SUSD5: variants seen among roughly 807,000 people sequenced by gnomAD.
SUSD5 encodes the protein sushi domain-containing protein 5.
SUSD5 carries 33 observed loss-of-function variants against 29.5 expected under a neutral mutation model. The ratio of observed to expected loss-of-function variants is 1.12; its 90% CI spans 0.85 to 1.49. The LOEUF (loss-of-function observed/expected upper bound fraction) is 1.49, where lower values mean the gene tolerates loss of function less well. SUSD5 is among the 40% of genes most tolerant of loss of function. The probability of loss-of-function intolerance (pLI) is 0.00; values close to 1 mark genes in which losing one functional copy is unlikely to be tolerated. For synonymous variants in SUSD5, 308 were observed against 325.3 expected (o/e 0.95, Z 0.57); for missense variants, 776 against 800.6 (o/e 0.97, Z 0.37).
intron 4 of SUSD5, among the ~76,000 whole-genome samples, chr3:33,173,788 C>G (rs536433933): frequency 6.6e-6 from 1 of 152,164 alleles, no homozygotes; most frequent in African/African-American, 2.4e-5. Context: ...GTGAGAGGAG[C>G]ACTGTGAGAT....
At chr3:33,155,902 T>C (rs575065334) in intron 4 of SUSD5, among the ~76,000 whole-genome samples, 2 of 152,316 alleles carry the variant, frequency 1.3e-5, no homozygotes, top group South Asian at 4.1e-4. Context: ...CTGGGTATGG[T>C]ACAAACAGGA....
At chr3:33,173,909 G>A (rs746024640) in intron 4 of SUSD5, among the ~76,000 whole-genome samples, 3 of 152,186 alleles carry the variant, frequency 2.0e-5, no homozygotes, top group Non-Finnish European at 4.4e-5. Flanking sequence ...TGTTGGGGTG[G>A]GGAGGCCAGG....
chr3:33,203,117 G>A (rs1268121878), intron 3 of SUSD5, among the ~76,000 whole-genome samples: 3 of 152,172 alleles, frequency 2.0e-5, no homozygotes, highest in Admixed American at 1.3e-4. Flanking sequence ...CTGCCAAGGC[G>A]CTGCACCTTC....
intron 2 of SUSD5, among the ~76,000 whole-genome samples, chr3:33,209,759 T>A (rs1469451266): frequency 2.0e-5 from 3 of 152,066 alleles, no homozygotes; most frequent in Non-Finnish European, 4.4e-5. Context: ...GTGATCCTCC[T>A]GCCTCAGCCT....
intron 3 of SUSD5, 93 bp from the exon 4 acceptor site, chr3:33,175,167 C>G (rs777727525): frequency 7.4e-7 from 1 of 1,343,344 alleles, no homozygotes; most frequent in Admixed American, 2.0e-5. Flanking sequence ...TCTCCCCTGC[C>G]GCCCACCGTA....
chr3:33,202,024 T>TTATCTATCTATCTATC (rs60454731), intron 3 of SUSD5, among the ~76,000 whole-genome samples: 265 of 146,638 alleles, frequency 1.8e-3, no homozygotes, highest in South Asian at 2.4e-3. Flanking sequence ...AGGGGAGAAG[T>TTATCTATCTATCTATC]TATCTATCTA....
intron 3 of SUSD5, among the ~76,000 whole-genome samples, chr3:33,188,579 C>T (rs1041734288): frequency 7.9e-5 from 12 of 152,128 alleles, no homozygotes; most frequent in African/African-American, 2.9e-4. Flanking sequence ...CTTGAAAGTT[C>T]CTAGGTAATG....
chr3:33,218,276 A>T (rs2032460065), intron 1 of SUSD5, among the ~76,000 whole-genome samples: 1 of 152,100 alleles, frequency 6.6e-6, no homozygotes, highest in South Asian at 2.1e-4. Context: ...TATCCGAGGG[A>T]GTTTTCTAAC....
chr3:33,160,176 T>C (rs1006180799), intron 4 of SUSD5, among the ~76,000 whole-genome samples: 1 of 152,196 alleles, frequency 6.6e-6, no homozygotes, highest in Non-Finnish European at 1.5e-5. Context: ...CGTCTCACTA[T>C]GTTGCCCAGG....
At position 33,218,528 on chromosome 3, in the gene SUSD5, G is replaced by A. The variant is rs111687908; in HGVS notation, c.112+158C>T. 3.3e-5 allele frequency among the ~76,000 whole-genome samples: 5 copies of A among 152,344 alleles called. 2 individuals are homozygous for A. The highest frequency in any genetic ancestry group is 1.2e-4 in the African/African-American group (5 of 41,594). ...CACGCGGAGACTTGGTGGGCCAGGAGAGGGATGCTGGGTCGCAGGACCGCG... is the reference window on the plus strand; with the variant it reads ...CACGCGGAGACTTGGTGGGCCAGGAAAGGGATGCTGGGTCGCAGGACCGCG... On this transcript the variant is annotated intron_variant, in intron 1 of 4. Coordinates refer to ENST00000309558, the MANE Select transcript of SUSD5 (RefSeq NM_015551.2).
At position 33,153,152 on chromosome 3, in the gene SUSD5, T is replaced by C; in HGVS notation, c.1480A>G (p.Thr494Ala). The stretch of plus-strand genomic sequence containing the variant: ...GTGTTCACTGTTAATATCTCCAGGG[T>C]GGAGCTGGTGAGCTCATAGGACAGG... ...ATLSYELTSS[T>A]LEILTVNTVK... The change falls in exon 5 of 5, where the codon ACC (threonine) becomes GCC (alanine). Residue 494 changes from threonine to alanine, a missense_variant. Transcript: ENST00000309558. 1 of 1,613,852 alleles carries C rather than the reference T, an allele frequency of 6.2e-7. No individual in the cohort carries two copies. The highest frequency in any genetic ancestry group is 1.1e-5 in the South Asian group (1 of 91,062).
At chr3:33,216,171 G>A (rs562246033) in intron 1 of SUSD5, among the ~76,000 whole-genome samples, 19 of 152,246 alleles carry the variant, frequency 1.2e-4, no homozygotes, top group South Asian at 4.1e-4. Context: ...TACAGATCCC[G>A]TGGACCCTGA....
intron 4 of SUSD5, among the ~76,000 whole-genome samples, chr3:33,170,515 C>G (rs1222219682): frequency 7.9e-5 from 12 of 152,194 alleles, no homozygotes; most frequent in Admixed American, 7.9e-4. Context: ...AGACTGCATC[C>G]CCACCACTTA....
intron 3 of SUSD5, among the ~76,000 whole-genome samples, chr3:33,192,781 C>T (rs577820252): frequency 6.6e-6 from 1 of 151,812 alleles, no homozygotes; most frequent in African/African-American, 2.4e-5. Context: ...TGCACCAATG[C>T]ACTCCAGCCT....
intron 3 of SUSD5, among the ~76,000 whole-genome samples, chr3:33,183,239 A>T (rs976641790): frequency 6.6e-6 from 1 of 152,200 alleles, no homozygotes; most frequent in Admixed American, 6.5e-5. Context: ...TAAAGTGATC[A>T]TTGATATAAT....
In SUSD5 at chr3:33,153,823, G is replaced by A; in HGVS notation, c.809C>T (p.Thr270Ile). 1.9e-6 allele frequency: 3 copies of A among 1,614,048 alleles called. No homozygotes were observed. The highest frequency in any genetic ancestry group is 2.5e-6 in the Non-Finnish European group (3 of 1,179,888). ...IARDKVFVPT[T>I]GLPGAGSSVP... ...ACTGCTCCCAGCACCAGGCAAGCCT[G>A]TGGTTGGCACAAAGACTTTATCCCG... Residue 270 changes from threonine to isoleucine, a missense_variant, in exon 5 of 5, where the codon ACA (threonine) becomes ATA (isoleucine). Thr to Ile is a moderately conservative substitution (Grantham distance 89). Coordinates refer to ENST00000309558, the MANE Select transcript of SUSD5 (RefSeq NM_015551.2).
intron 3 of SUSD5, among the ~76,000 whole-genome samples, chr3:33,200,298 C>G (rs2032091292): frequency 2.0e-5 from 3 of 152,184 alleles, no homozygotes; most frequent in Admixed American, 2.0e-4. Context: ...ACATTTCTGT[C>G]ATTTGTAGCT....
At chr3:33,182,685 C>G (rs767588592) in intron 3 of SUSD5, among the ~76,000 whole-genome samples, 48 of 152,230 alleles carry the variant, frequency 3.2e-4, no homozygotes, top group Non-Finnish European at 5.6e-4. Context: ...TCTCTTTATC[C>G]CTGATAACTT....
chr3:33,194,637 G>A (rs574750083), intron 3 of SUSD5, among the ~76,000 whole-genome samples: 2 of 152,174 alleles, frequency 1.3e-5, no homozygotes, highest in African/African-American at 4.8e-5. Context: ...TAGCCACAGA[G>A]AAACTACCAG....
Sources: gnomAD v4.1 joint callset for allele counts (sites outside exome capture counted in the v4.1 genomes callset) on GRCh38, gnomAD v4.1.1 for gene constraint, MANE v1.5 for transcripts, NCBI Gene and HGNC (gene_info 2026-07-23, HGNC 2026-07-21) for gene names.